EPHA5: variants seen among roughly 807,000 people sequenced by gnomAD.
EPHA5 encodes EPH receptor A5.
A neutral mutation model predicts 105.0 loss-of-function variants in EPHA5; 60 were observed. That is an observed-to-expected ratio of 0.57 (90% CI 0.46 to 0.71). The LOEUF (loss-of-function observed/expected upper bound fraction) is 0.71. EPHA5 is among the 30% of genes least tolerant of loss of function. The pLI is 0.00. For missense variants in EPHA5, 1,218 were observed against 1,274.7 expected, an observed-to-expected ratio of 0.96 and a Z score of 0.68; for synonymous variants, 513 against 449.1, an observed-to-expected ratio of 1.14 and a Z score of -1.80.
intron 8 of EPHA5, among the ~76,000 whole-genome samples, chr4:65,387,110 TG>T (rs1379614851): frequency 1.3e-5 from 2 of 151,852 alleles, no homozygotes; most frequent in Non-Finnish European, 2.9e-5. Flanking sequence ...TCTGAGCACT[TG>T]GAGTCTATGG....
At chr4:65,660,883 G>A (rs562084943) in intron 1 of EPHA5, among the ~76,000 whole-genome samples, 23 of 152,000 alleles carry the variant, frequency 1.5e-4, no homozygotes, top group South Asian at 2.1e-4. Context: ...TTTCTACTCC[G>A]TTTCTTAATG....
At chr4:65,391,232 G>A (rs1013438830) in intron 8 of EPHA5, among the ~76,000 whole-genome samples, 6 of 151,804 alleles carry the variant, frequency 4.0e-5, no homozygotes, top group Admixed American at 3.3e-4. Flanking sequence ...ATTTGGGTGG[G>A]GACACAAAGC....
chr4:65,374,957 A>C (rs1189867348), intron 8 of EPHA5, among the ~76,000 whole-genome samples: 1 of 151,886 alleles, frequency 6.6e-6, no homozygotes, highest in East Asian at 1.9e-4. Flanking sequence ...AGCTCTTAAT[A>C]TTTATTAATA....
intron 2 of EPHA5, among the ~76,000 whole-genome samples, chr4:65,606,516 A>G (rs1744244477): frequency 6.6e-6 from 1 of 152,196 alleles, no homozygotes; most frequent in African/African-American, 2.4e-5. Context: ...TTAGTTTGGT[A>G]ATTCTTAATT....
intron 5 of EPHA5, among the ~76,000 whole-genome samples, chr4:65,477,686 T>C (rs778661594): frequency 3.3e-5 from 5 of 152,148 alleles, no homozygotes; most frequent in Non-Finnish European, 4.4e-5. Flanking sequence ...GTGCTGAGAT[T>C]ATAGGAGTGA....
chr4:65,445,113 T>G (rs1393642243), intron 5 of EPHA5, among the ~76,000 whole-genome samples: 1 of 152,130 alleles, frequency 6.6e-6, no homozygotes, highest in Non-Finnish European at 1.5e-5. Flanking sequence ...TTTTTATTCA[T>G]GTTTTGGATA....
chr4:65,415,232 C>G (rs934179534), intron 6 of EPHA5, among the ~76,000 whole-genome samples: 15 of 152,028 alleles, frequency 9.9e-5, no homozygotes, highest in Non-Finnish European at 2.9e-5. Flanking sequence ...ATCACATGCT[C>G]AAATATAACG....
At chr4:65,608,937 T>A (rs368300751) in intron 2 of EPHA5, among the ~76,000 whole-genome samples, 55 of 152,314 alleles carry the variant, frequency 3.6e-4, no homozygotes, top group African/African-American at 1.3e-3. Flanking sequence ...CTCGAGGTCA[T>A]TTTAATGAAC....
Position 65,501,570 on chromosome 4 carries a change from A to G in EPHA5, c.911-6027T>C, listed in dbSNP as rs530942821. On this transcript the variant is annotated intron_variant, in intron 3 of 16. Coordinates refer to ENST00000613740, the MANE Select transcript of EPHA5 (RefSeq NM_001281766.3). Reference sequence around the variant, plus strand: ...CAAGGAGGTGAAAGATATATACAAGAATAACTACAAAACACTATTGAAAGA... The same window carrying G: ...CAAGGAGGTGAAAGATATATACAAGGATAACTACAAAACACTATTGAAAGA... 7.2e-5 allele frequency among the ~76,000 whole-genome samples: 11 copies of G among 151,762 alleles called. No individual in the cohort carries two copies. The South Asian group carries it at 2.3e-3, about 31-fold the overall frequency.
At chr4:65,525,521 C>T (rs929223480) in intron 3 of EPHA5, among the ~76,000 whole-genome samples, 1 of 151,822 alleles carries the variant, frequency 6.6e-6, no homozygotes, top group Non-Finnish European at 1.5e-5. Context: ...TACAGATACA[C>T]ATCTGCGGCC....
intron 2 of EPHA5, among the ~76,000 whole-genome samples, chr4:65,613,924 A>C (rs1481669907): frequency 6.6e-6 from 1 of 151,994 alleles, no homozygotes; most frequent in Non-Finnish European, 1.5e-5. Flanking sequence ...TGATTGATCA[A>C]CATTTACAGA....
At position 65,495,504 on chromosome 4, in the gene EPHA5, T is replaced by A; in HGVS notation, c.950A>T (p.Gln317Leu). The A allele has an allele frequency of 6.2e-7, 1 of 1,613,838 alleles. No homozygotes were observed. Among genetic ancestry groups the A allele is most frequent in the Non-Finnish European group, 8.5e-7 (1 of 1,179,790 alleles). ...PGFFKASPHI[Q>L]SCGKCPPHSY... is the part of the protein sequence containing the mutation. ...GTGAGGTGGACATTTGCCGCAGCTC[T>A]GGATGTGAGGTGAGGCTTTGAAGAA... Residue 317 changes from glutamine to leucine, a missense_variant, in exon 4 of 17, where the codon CAG becomes CTG. Gln to Leu is a moderately radical substitution (Grantham distance 113). Around this residue, in one of 3 missense-constraint regions of EPHA5, gnomAD observed 971 missense variants for 1,013.5 expected, o/e 0.96. Transcript: ENST00000613740.
At position 65,397,402 on chromosome 4, in the gene EPHA5, T is replaced by A. The variant is rs1721348749; in HGVS notation, c.1793+6972A>T. Among the ~76,000 whole-genome samples the A allele has an allele frequency of 2.6e-5, 4 of 152,212 alleles. No individual in the cohort carries two copies. In the South Asian group the frequency reaches 8.3e-4, roughly 32 times the overall value. ...AGTTGGGGAGACCTCTTGCTTACTGTTCTCACCTTTGTTCTGTTCCCCACC... is the reference window on the plus strand; with the variant it reads ...AGTTGGGGAGACCTCTTGCTTACTGATCTCACCTTTGTTCTGTTCCCCACC... On this transcript the variant is annotated intron_variant, in intron 8 of 16. Coordinates refer to ENST00000613740, the MANE Select transcript of EPHA5 (RefSeq NM_001281766.3).
At chr4:65,435,533 A>G (rs1274708734) in intron 5 of EPHA5, among the ~76,000 whole-genome samples, 3 of 152,088 alleles carry the variant, frequency 2.0e-5, no homozygotes, top group Non-Finnish European at 2.9e-5. Flanking sequence ...TTAGACTGAC[A>G]TATTCTTGAA....
chr4:65,348,815 A>ATATATATAT lies in EPHA5; in HGVS notation c.2446-613_2446-612insATATATATA, dbSNP rs71657404. On this transcript the variant is annotated intron_variant, in intron 13 of 16. Transcript: ENST00000613740. ...TGTGTATATATATATATATATATAT[A>ATATATATAT]TTTTTTTTTTTTTTTTTTGAGACAG... Among the ~76,000 whole-genome samples, 164 of 64,106 alleles carry ATATATATAT rather than the reference A, an allele frequency of 2.6e-3. 11 individuals are homozygous for ATATATATAT. Among genetic ancestry groups the ATATATATAT allele is most frequent in the African/African-American group, 9.9e-3 (160 of 16,142 alleles). The allele number at this position is 64,106 out of a possible 152,430, so 42.1% of individuals were successfully genotyped here. A position where few individuals can be genotyped will look rare whatever the true frequency, so the allele number is the denominator to read the frequency against.
At chr4:65,348,694 ATATAAAATATATATG>A (rs1722481385) in intron 13 of EPHA5, among the ~76,000 whole-genome samples, 2 of 28,016 alleles carry the variant, frequency 7.1e-5, no homozygotes. Context: ...ATATATATAT[ATATAAAATATATATG>A]TGTGTGTATA....
chr4:65,547,578 T>A (rs1250861734), intron 3 of EPHA5, among the ~76,000 whole-genome samples: 1 of 152,082 alleles, frequency 6.6e-6, no homozygotes, highest in African/African-American at 2.4e-5. Context: ...TTAGACTTCC[T>A]CTTTTTATTA....
intron 5 of EPHA5, 102 bp from the exon 6 acceptor site, chr4:65,420,667 TA>T (rs886550455): frequency 2.8e-5 from 31 of 1,100,936 alleles, no homozygotes; most frequent in East Asian, 5.5e-5. Context: ...CGTAGCAATA[TA>T]AAAAAAATCC....
chr4:65,377,419 C>T (rs1719122115), intron 8 of EPHA5, among the ~76,000 whole-genome samples: 1 of 151,892 alleles, frequency 6.6e-6, no homozygotes. Context: ...TCAAAATTTA[C>T]ATCAGAAGAA....
Sources: gnomAD v4.1 joint callset for allele counts (sites outside exome capture counted in the v4.1 genomes callset) on GRCh38, gnomAD v4.1.1 for gene constraint, gnomAD v4.1.1 regional missense constraint, MANE v1.5 for transcripts, NCBI Gene and HGNC (gene_info 2026-07-23, HGNC 2026-07-21) for gene names.